CPNE4: variants seen among roughly 807,000 people sequenced by gnomAD.
CPNE4 encodes copine 4.
A neutral mutation model predicts 67.9 loss-of-function variants in CPNE4; 25 were observed. That is an observed-to-expected ratio of 0.37 (90% CI 0.27 to 0.51). CPNE4 has a LOEUF of 0.51. Ranked by LOEUF, CPNE4 falls within the 20% of genes least tolerant of loss-of-function variation. The pLI is 0.93. For synonymous variants in CPNE4, 242 were observed against 244.9 expected (o/e 0.99, Z 0.11); for missense variants, 464 against 690.8 (o/e 0.67, Z 3.68).
intron 2 of CPNE4, among the ~76,000 whole-genome samples, chr3:131,826,755 G>A (rs1233555876): frequency 6.6e-6 from 1 of 152,142 alleles, no homozygotes; most frequent in East Asian, 1.9e-4. Context: ...TCTCAGGTCA[G>A]GCACAGTGGC....
Position 131,942,457 on chromosome 3 carries a change from TGTGTGTGAGAGAGAGAGAGAGAGAGAGA to T in CPNE4, c.-1-37041_-1-37014del, listed in dbSNP as rs2071421804. 9.8e-5 allele frequency among the ~76,000 whole-genome samples: 6 copies of T among 61,036 alleles called. No individual in the cohort carries two copies. In the South Asian group the frequency reaches 2.4e-3, roughly 24 times the overall value. The allele number at this position is 61,036 out of a possible 152,430, so 40.0% of individuals were successfully genotyped here. The stretch of plus-strand genomic sequence containing the variant: ...GTGTGTGTGTGTGTGTGTGTGTGTG[TGTGTGTGAGAGAGAGAGAGAGAGAGAGA>T]GAGAGAGAGAGAGAGAGAGAGAGAG... On this transcript the variant is annotated intron_variant, in intron 1 of 15. Coordinates refer to ENST00000429747, the MANE Select transcript of CPNE4 (RefSeq NM_130808.3).
chr3:131,560,218 G>A (rs977225459), intron 11 of CPNE4, among the ~76,000 whole-genome samples: 1 of 151,966 alleles, frequency 6.6e-6, no homozygotes. Context: ...CTCTGCAAGG[G>A]AAGCGATACA....
chr3:131,939,712 G>A lies in CPNE4; in HGVS notation c.-1-34268C>T, dbSNP rs1199335941. ...GACAGCACTTACAAAGCACTTACTCGGTGTCAGGCACAGTTCTAAACACTT... is the reference window on the plus strand; with the variant it reads ...GACAGCACTTACAAAGCACTTACTCAGTGTCAGGCACAGTTCTAAACACTT... On this transcript the variant is annotated intron_variant, in intron 1 of 15. Transcript: ENST00000429747. Among the ~76,000 whole-genome samples, 25 of 151,976 alleles carry A rather than the reference G, an allele frequency of 1.6e-4. 1 individual carries two copies. Among genetic ancestry groups the A allele is most frequent in the Admixed American group, 1.6e-3 (24 of 15,234 alleles).
At chr3:131,831,206 T>G (rs182734596) in intron 2 of CPNE4, among the ~76,000 whole-genome samples, 1 of 152,072 alleles carries the variant, frequency 6.6e-6, no homozygotes, top group Non-Finnish European at 1.5e-5. Flanking sequence ...TTTTAAAAAT[T>G]CAGTTGTCTA....
chr3:131,684,036 G>T (rs1237770890), intron 6 of CPNE4, among the ~76,000 whole-genome samples: 1 of 152,152 alleles, frequency 6.6e-6, no homozygotes, highest in Admixed American at 6.5e-5. Flanking sequence ...GGATGAGGGA[G>T]GAGTAGTATC....
intron 7 of CPNE4, among the ~76,000 whole-genome samples, chr3:131,595,877 A>G (rs918606566): frequency 1.3e-5 from 2 of 152,144 alleles, no homozygotes; most frequent in African/African-American, 4.8e-5. Context: ...AGTGAACTAA[A>G]CCAGTCATAG....
intron 2 of CPNE4, among the ~76,000 whole-genome samples, chr3:131,880,178 G>C (rs2087617329): frequency 6.7e-6 from 1 of 148,598 alleles, no homozygotes; most frequent in South Asian, 2.1e-4. Flanking sequence ...CCAGGCTGCA[G>C]TGCAGTGGCT....
intron 2 of CPNE4, among the ~76,000 whole-genome samples, chr3:131,848,981 A>AAAAAAAAAAAC (rs1297906130): frequency 7.1e-6 from 1 of 141,668 alleles, no homozygotes; most frequent in African/African-American, 2.5e-5. Flanking sequence ...AAAAAAAAAA[A>AAAAAAAAAAAC]ACACAGAGAT....
chr3:131,948,534 G>A (rs1446722044), intron 1 of CPNE4, among the ~76,000 whole-genome samples: 1 of 152,184 alleles, frequency 6.6e-6, no homozygotes, highest in Non-Finnish European at 1.5e-5. Context: ...TATTGTAAGT[G>A]AAATTGTTCC....
Position 131,717,843 on chromosome 3 carries a change from T to TCGC in CPNE4, c.360+5602_360+5603insGCG, listed in dbSNP as rs1165634271. 2.3e-4 allele frequency among the ~76,000 whole-genome samples: 34 copies of TCGC among 148,500 alleles called. 1 individual carries two copies. The South Asian group carries it at 3.9e-3, about 17-fold the overall frequency. ...AAAGTGATCTTTCTTCCTTCCTTCC[T>TCGC]TCCTTCCTCGCTCCCTCCTTTCTTT... On this transcript the variant is annotated intron_variant, in intron 3 of 15. Transcript: ENST00000429747.
intron 2 of CPNE4, among the ~76,000 whole-genome samples, chr3:131,792,505 A>G (rs1279214760): frequency 6.6e-6 from 1 of 150,398 alleles, no homozygotes; most frequent in African/African-American, 2.4e-5. Context: ...TTATACATAT[A>G]CCTGATCTCT....
intron 14 of CPNE4, among the ~76,000 whole-genome samples, chr3:131,546,109 G>GAGAA (rs775637036): frequency 6.6e-6 from 1 of 152,032 alleles, no homozygotes; most frequent in African/African-American, 2.4e-5. Context: ...AACCACTTCT[G>GAGAA]AGAAGGGATC....
chr3:131,705,167 G>T (rs1443745893), intron 3 of CPNE4, among the ~76,000 whole-genome samples: 3 of 151,976 alleles, frequency 2.0e-5, no homozygotes, highest in Admixed American at 1.3e-4. Flanking sequence ...GAGAAGTTTG[G>T]AATCATTGCT....
upstream of CPNE4, among the ~76,000 whole-genome samples, chr3:132,037,041 T>C (rs906099763): frequency 6.6e-6 from 1 of 152,122 alleles, no homozygotes; most frequent in African/African-American, 2.4e-5. Flanking sequence ...AGGATAGGGG[T>C]TGTTCATTGA....
intron 2 of CPNE4, among the ~76,000 whole-genome samples, chr3:131,750,592 T>C (rs2107795835): frequency 6.6e-6 from 1 of 152,280 alleles, no homozygotes; most frequent in South Asian, 2.1e-4. Context: ...TTATTATCCC[T>C]GTTTATAATA....
intron 1 of CPNE4, among the ~76,000 whole-genome samples, chr3:132,023,346 C>T (rs556870713): frequency 2.0e-5 from 3 of 152,298 alleles, no homozygotes; most frequent in Non-Finnish European, 4.4e-5. Flanking sequence ...TTATCTTCAC[C>T]TTCAGCTACA....
chr3:131,552,281 T>C (rs967796748), intron 13 of CPNE4, among the ~76,000 whole-genome samples, 159 bp downstream of exon 13: 4 of 152,094 alleles, frequency 2.6e-5, no homozygotes, highest in Non-Finnish European at 4.4e-5. Context: ...TATCATGGCT[T>C]TCTCTTGCCT....
chr3:132,014,779 T>A (rs1297261844), intron 1 of CPNE4, among the ~76,000 whole-genome samples: 3 of 152,186 alleles, frequency 2.0e-5, no homozygotes, highest in Non-Finnish European at 2.9e-5. Context: ...TTTTGAGCAA[T>A]AGGATAGCTT....
chr3:131,981,603 G>A (rs2072911285), intron 1 of CPNE4, among the ~76,000 whole-genome samples: 1 of 152,126 alleles, frequency 6.6e-6, no homozygotes, highest in South Asian at 2.1e-4. Flanking sequence ...CCGAGTTCTG[G>A]CCAGAAGGCT....
Sources: gnomAD v4.1 joint callset for allele counts (sites outside exome capture counted in the v4.1 genomes callset) on GRCh38, gnomAD v4.1.1 for gene constraint, MANE v1.5 for transcripts, NCBI Gene and HGNC (gene_info 2026-07-23, HGNC 2026-07-21) for gene names.